EML1: variants seen among roughly 807,000 people sequenced by gnomAD.
EML1 encodes echinoderm microtubule-associated protein-like 1.
EML1 carries 27 observed loss-of-function variants against 110.4 expected under a neutral mutation model. That is an observed-to-expected ratio of 0.24 (90% CI 0.18 to 0.34). EML1 has a LOEUF of 0.34. Ranked by LOEUF, EML1 falls within the 10% of genes least tolerant of loss-of-function variation. The pLI is 1.00. For missense variants in EML1, 741 were observed against 1,030.9 expected, an observed-to-expected ratio of 0.72 and a Z score of 3.85; for synonymous variants, 344 against 385.8, an observed-to-expected ratio of 0.89 and a Z score of 1.27.
intron 2 of EML1, among the ~76,000 whole-genome samples, chr14:99,860,152 G>T (rs1307059791): frequency 6.6e-6 from 1 of 152,146 alleles, no homozygotes; most frequent in Non-Finnish European, 1.5e-5. Context: ...CAGCCATCCT[G>T]CAATCCTTCC....
At chr14:99,772,033 G>A (rs961396599), upstream of EML1, among the ~76,000 whole-genome samples, 1 of 152,284 alleles carries the variant, frequency 6.6e-6, no homozygotes, top group South Asian at 2.1e-4. Context: ...TCGATTGACC[G>A]TTTTCTTGAG....
rs148655103 is a variant in EML1, at chr14:99,927,687, A to G, written c.1909+6810A>G. 4.6e-3 allele frequency among the ~76,000 whole-genome samples: 687 copies of G among 148,728 alleles called. 3 individuals are homozygous for G. The highest frequency in any genetic ancestry group is 0.016 in the African/African-American group (654 of 40,326). ...AAAGTCAGAATTAATGCTTGATTTC[A>G]TTCACTTTATTTTCCAGTTTCTGAG... On this transcript the variant is annotated intron_variant, in intron 17 of 21. Coordinates refer to ENST00000262233, the MANE Select transcript of EML1 (RefSeq NM_004434.3).
chr14:99,742,960 C>A (rs1242104739), intron 1 of EML1, among the ~76,000 whole-genome samples: 1 of 152,176 alleles, frequency 6.6e-6, no homozygotes, highest in African/African-American at 2.4e-5. Flanking sequence ...GATATTGACA[C>A]CAAGAAGGAC....
chr14:99,863,020 A>T (rs1471395716), intron 2 of EML1, among the ~76,000 whole-genome samples: 2 of 152,144 alleles, frequency 1.3e-5, no homozygotes, highest in Non-Finnish European at 2.9e-5. Context: ...TCTCTACTCT[A>T]GTGGCACATG....
In EML1 at chr14:99,793,507, C is replaced by A; in HGVS notation, c.31C>A (p.Leu11Met). Residue 11 changes from leucine to methionine, a missense_variant, in exon 1 of 22, where the codon CTG (leucine) becomes ATG (methionine). Physicochemically the swap from Leu to Met is conservative, Grantham distance 15 (BLOSUM62 2). This residue lies in a region of EML1 where 226 missense variants were observed against 255.6 expected (regional missense o/e 0.88). Transcript: ENST00000262233. ...GGACGGCTTCTCCAGCTACAGCAGCCTGTACGACACGTCCTCGCTGCTCCA... is the reference window on the plus strand; with the variant it reads ...GGACGGCTTCTCCAGCTACAGCAGCATGTACGACACGTCCTCGCTGCTCCA... MEDGFSSYSSLYDTSSLLQFC... is the reference protein window; with the variant it reads MEDGFSSYSSMYDTSSLLQFC... The A allele has an allele frequency of 9.5e-7, 1 of 1,051,658 alleles. No homozygotes were observed. The highest frequency in any genetic ancestry group is 1.2e-6 in the Non-Finnish European group (1 of 867,946). 65.1% of individuals were successfully genotyped at this position (1,051,658 alleles called of 1,614,324 possible). A position where few individuals can be genotyped will look rare whatever the true frequency, so the allele number is the denominator to read the frequency against.
At chr14:99,814,372 C>T (rs1253423718) in intron 1 of EML1, among the ~76,000 whole-genome samples, 1 of 152,090 alleles carries the variant, frequency 6.6e-6, no homozygotes, top group East Asian at 1.9e-4. Flanking sequence ...AACTCCTGGG[C>T]TCAAGCAATC....
At chr14:99,874,788 C>T (rs1298245030) in intron 3 of EML1, 6 of 540,938 alleles carry the variant, frequency 1.1e-5, no homozygotes, top group South Asian at 5.8e-5. Flanking sequence ...ATTATATCCA[C>T]GTCTATATTT....
intron 1 of EML1, among the ~76,000 whole-genome samples, chr14:99,738,746 G>T (rs545482717): frequency 2.0e-5 from 3 of 152,346 alleles, no homozygotes; most frequent in African/African-American, 4.8e-5. Flanking sequence ...TGCCTGGGGT[G>T]CACTGAGTGC....
At chr14:99,812,929 G>A (rs1411955900) in intron 1 of EML1, among the ~76,000 whole-genome samples, 1 of 152,140 alleles carries the variant, frequency 6.6e-6, no homozygotes, top group Non-Finnish European at 1.5e-5. Context: ...CAAGCAGTGA[G>A]CAGGCAGAGG....
chr14:99,895,364 C>T (rs908958263), intron 6 of EML1, among the ~76,000 whole-genome samples: 2 of 152,110 alleles, frequency 1.3e-5, no homozygotes, highest in African/African-American at 4.8e-5. Context: ...CCACCATGCC[C>T]AGCCAAAAGC....
chr14:99,791,577 G>A (rs2057672656), upstream of EML1, among the ~76,000 whole-genome samples: 1 of 152,124 alleles, frequency 6.6e-6, no homozygotes. Flanking sequence ...AGGTTGTGCT[G>A]TCCCCGCTTG....
chr14:99,931,901 C>T (rs1029178206), intron 17 of EML1, among the ~76,000 whole-genome samples: 2 of 152,166 alleles, frequency 1.3e-5, no homozygotes, highest in African/African-American at 2.4e-5. Context: ...TCGCGGTCAA[C>T]GGGAGAGTCA....
intron 1 of EML1, among the ~76,000 whole-genome samples, chr14:99,848,047 G>T (rs1395009964): frequency 6.6e-6 from 1 of 152,052 alleles, no homozygotes; most frequent in African/African-American, 2.4e-5. Context: ...TTGGGTTTGA[G>T]TTTAGCATTT....
intron 1 of EML1, among the ~76,000 whole-genome samples, chr14:99,835,908 A>G (rs2058532738): frequency 6.6e-6 from 1 of 152,152 alleles, no homozygotes; most frequent in Non-Finnish European, 1.5e-5. Flanking sequence ...CTGTTCTTTC[A>G]CCAATTACAT....
At position 99,793,432 on chromosome 14, in the gene EML1, CGGCGCGGCCGGGCCGGGGAGCG is replaced by C. The variant is rs2057706430; in HGVS notation, c.-35_-14del. ...CAGCTCAGTGTGTGGTGAGCGGCGG[CGGCGCGGCCGGGCCGGGGAGCG>C]GGCGCGGCCCGGCGGCCTCAGCATG... is the stretch of plus-strand genomic sequence containing the variant. On this transcript the variant is annotated 5_prime_UTR_variant, in exon 1 of 22. Transcript: ENST00000262233. 5 of 1,029,988 alleles carry C rather than the reference CGGCGCGGCCGGGCCGGGGAGCG, an allele frequency of 4.9e-6. No homozygotes were observed. The highest frequency in any genetic ancestry group is 4.4e-5 in the South Asian group (1 of 22,770). 63.8% of individuals were successfully genotyped at this position (1,029,988 alleles called of 1,614,324 possible). A position where few individuals can be genotyped will look rare whatever the true frequency, so the allele number is the denominator to read the frequency against.
intron 1 of EML1, among the ~76,000 whole-genome samples, chr14:99,766,232 T>TTG (rs551216550): frequency 1.3e-5 from 2 of 150,980 alleles, no homozygotes; most frequent in East Asian, 3.9e-4. Flanking sequence ...TCTCACTCTG[T>TTG]TGCCCAGGCT....
chr14:99,741,636 C>A (rs1453147884), intron 1 of EML1, among the ~76,000 whole-genome samples: 1 of 152,098 alleles, frequency 6.6e-6, no homozygotes, highest in Non-Finnish European at 1.5e-5. Flanking sequence ...CCACCCCCCC[C>A]CAGACCTCAC....
At chr14:99,818,329 A>T (rs1305356543) in intron 1 of EML1, among the ~76,000 whole-genome samples, 1 of 152,148 alleles carries the variant, frequency 6.6e-6, no homozygotes, top group East Asian at 1.9e-4. Flanking sequence ...AGAAAACACC[A>T]CTTAGGCCCA....
At chr14:99,908,411 C>T (rs2059892238) in intron 10 of EML1, among the ~76,000 whole-genome samples, 1 of 152,306 alleles carries the variant, frequency 6.6e-6, no homozygotes, top group African/African-American at 2.4e-5. Flanking sequence ...ATCTATTAAC[C>T]TTAGATAACC....
Sources: gnomAD v4.1 joint callset for allele counts (sites outside exome capture counted in the v4.1 genomes callset) on GRCh38, gnomAD v4.1.1 for gene constraint, gnomAD v4.1.1 regional missense constraint, MANE v1.5 for transcripts, NCBI Gene and HGNC (gene_info 2026-07-23, HGNC 2026-07-21) for gene names.